SP9: variants seen among roughly 807,000 people sequenced by gnomAD.
SP9 encodes transcription factor Sp9.
Under a neutral mutation model 23.0 loss-of-function variants are expected in SP9, and 5 were observed. The observed-to-expected ratio is 0.22, with a 90% CI of 0.11 to 0.46. The LOEUF is 0.46. Among genes scored for constraint, SP9 ranks in the 20% least tolerant of loss-of-function variants. SP9 has a pLI of 0.99. For synonymous variants in SP9, 360 were observed against 356.5 expected, an observed-to-expected ratio of 1.01 and a Z score of -0.11; for missense variants, 542 against 724.0, an observed-to-expected ratio of 0.75 and a Z score of 2.88.
chr2:174,337,576 G>C lies in SP9; in HGVS notation c.*36G>C. The C allele has an allele frequency of 2.6e-6, 3 of 1,140,614 alleles. No homozygotes were observed. Among genetic ancestry groups the C allele is most frequent in the Middle Eastern group, 4.7e-4 (2 of 4,276 alleles). 70.7% of individuals were successfully genotyped at this position (1,140,614 alleles called of 1,614,324 possible). On this transcript the variant is annotated 3_prime_UTR_variant, in exon 2 of 2. Transcript: ENST00000394967. The stretch of plus-strand genomic sequence containing the variant: ...AGAGGCGCGAGCACACAAGCGAGTA[G>C]AGACACCGAGAACGAACGAGAGGTT...
Position 174,336,774 on chromosome 2 carries a change from C to G in SP9, c.689C>G (p.Ser230Cys). The change falls in exon 2 of 2, where the codon TCC (serine) becomes TGC (cysteine). Residue 230 changes from serine to cysteine, a missense_variant. Ser to Cys is a moderately radical substitution (Grantham distance 112). Coordinates refer to ENST00000394967, the MANE Select transcript of SP9 (RefSeq NM_001145250.2). ...CCCGACTTCAGCTCGCTCACGCACT[C>G]CGCCTTCAGCTCCACGGGCCTCGGC... is the stretch of plus-strand genomic sequence containing the variant. ...YNPDFSSLTH[S>C]AFSSTGLGSS... is the part of the protein sequence containing the mutation. 2.0e-6 allele frequency: 3 copies of G among 1,532,614 alleles called. No individual in the cohort carries two copies. The highest frequency in any genetic ancestry group is 2.6e-6 in the Non-Finnish European group (3 of 1,145,304). The allele number at this position is 1,532,614 out of a possible 1,614,324, so 94.9% of individuals were successfully genotyped here. A position where few individuals can be genotyped will look rare whatever the true frequency, so the allele number is the denominator to read the frequency against.
chr2:174,337,091 A>T lies in SP9; in HGVS notation c.1006A>T (p.Ile336Phe). ...LRRKGLHSCH[I>F]PGCGKVYGKT... ...GCGCAAGGGCCTGCACAGCTGCCAC[A>T]TTCCGGGCTGCGGCAAGGTGTACGG... The change falls in exon 2 of 2, where the codon ATT (isoleucine) becomes TTT (phenylalanine). Residue 336 changes from isoleucine (I) to phenylalanine (F), a missense_variant. By Grantham distance (21) the Ile-to-Phe change is conservative. Transcript: ENST00000394967. 1 of 1,594,068 alleles carries T rather than the reference A, an allele frequency of 6.3e-7. No individual in the cohort carries two copies. Among genetic ancestry groups the T allele is most frequent in the Non-Finnish European group, 8.5e-7 (1 of 1,172,876 alleles).
intron 1 of SP9, 120 bp from the exon 2 acceptor site, chr2:174,335,987 G>T (rs1364342785): frequency 1.1e-6 from 1 of 948,518 alleles, no homozygotes. Flanking sequence ...GAGGCGGGGA[G>T]CCAGGACCCC....
Position 174,337,281 on chromosome 2 carries a change from A to G in SP9, c.1196A>G (p.Lys399Arg). ...EKRFACPVCN[K>R]RFMRSDHLSK... ...CGCTTCGCCTGTCCGGTGTGCAACA[A>G]GCGCTTCATGCGCAGCGACCACCTG... The change falls in exon 2 of 2, where the codon AAG becomes AGG. Residue 399 changes from lysine (K) to arginine (R), a missense_variant. Around this residue, in one of 8 missense-constraint regions of SP9, gnomAD observed 31 missense variants for 16.7 expected, o/e 1.85. Transcript: ENST00000394967. 1 of 1,559,556 alleles carries G rather than the reference A, an allele frequency of 6.4e-7. No individual in the cohort carries two copies. Among genetic ancestry groups the G allele is most frequent in the Non-Finnish European group, 8.7e-7 (1 of 1,151,870 alleles).
chr2:174,337,056 C>A lies in SP9; in HGVS notation c.971C>A (p.Ala324Glu). The change falls in exon 2 of 2, where the codon GCG becomes GAG. Residue 324 changes from alanine (A) to glutamate (E), a missense_variant. Physicochemically the swap from Ala to Glu is moderately radical, Grantham distance 107 (BLOSUM62 -1). Coordinates refer to ENST00000394967, the MANE Select transcript of SP9 (RefSeq NM_001145250.2). Reference sequence around the variant, plus strand: ...GCGGAGCGGCTGGGCCCGGCCGGGGCGAGCCTGCGGCGCAAGGGCCTGCAC... The same window carrying A: ...GCGGAGCGGCTGGGCCCGGCCGGGGAGAGCCTGCGGCGCAAGGGCCTGCAC... The part of the protein sequence containing the change: ...QEAERLGPAG[A>E]SLRRKGLHSC... 3.2e-6 allele frequency: 5 copies of A among 1,541,676 alleles called. No individual in the cohort carries two copies. Among genetic ancestry groups the A allele is most frequent in the Non-Finnish European group, 4.3e-6 (5 of 1,150,088 alleles).
Position 174,336,403 on chromosome 2 carries a change from C to T in SP9, c.318C>T (p.Gly106=). 19 of 1,485,212 alleles carry T rather than the reference C, an allele frequency of 1.3e-5. No individual in the cohort carries two copies. The highest frequency in any genetic ancestry group is 1.7e-5 in the Non-Finnish European group (19 of 1,125,974). 92.0% of individuals were successfully genotyped at this position (1,485,212 alleles called of 1,614,324 possible). A position where few individuals can be genotyped will look rare whatever the true frequency, so the allele number is the denominator to read the frequency against. The change falls in exon 2 of 2, where the codon GGC becomes GGT. Residue 106 remains glycine, a synonymous_variant. Transcript: ENST00000394967. The part of the protein sequence containing the change: ...PTSSAFSSDY[G]GLFSNSAAAA... Reference sequence around the variant, plus strand: ...CGTCCGCCTTCAGCAGCGACTACGGCGGCCTCTTCTCCAACTCGGCGGCTG... The same window carrying T: ...CGTCCGCCTTCAGCAGCGACTACGGTGGCCTCTTCTCCAACTCGGCGGCTG...
rs752930507 is a variant in SP9 at position 174,337,405 on chromosome 2, C to T, written c.1320C>T (p.Ser440=). Residue 440 remains serine (S), a synonymous_variant, in exon 2 of 2, where the codon TCC becomes TCT. Coordinates refer to ENST00000394967, the MANE Select transcript of SP9 (RefSeq NM_001145250.2). ...ACCTGGAGACGCCCCGTTCCGAATC[C>T]CCCGACCTCATCCTGCATGACTCCG... ...ASNLETPRSE[S]PDLILHDSGV... 22 of 1,547,696 alleles carry T rather than the reference C, an allele frequency of 1.4e-5. No homozygotes were observed. The African/African-American group carries it at 2.5e-4, about 17-fold the overall frequency.
chr2:174,337,430 G>A lies in SP9; in HGVS notation c.1345G>A (p.Gly449Ser), dbSNP rs1483156920. The change falls in exon 2 of 2, where the codon GGC becomes AGC. Residue 449 changes from glycine to serine, a missense_variant. By Grantham distance (56) the Gly-to-Ser change is moderately conservative (BLOSUM62 0). This residue lies in a region of SP9 where 55 missense variants were observed against 56.1 expected (regional missense o/e 0.98). Transcript: ENST00000394967. ...ESPDLILHDS[G>S]VSAARAAAAA... ...CCCCGACCTCATCCTGCATGACTCCGGCGTCAGTGCCGCCCGGGCGGCGGC... is the reference window on the plus strand; with the variant it reads ...CCCCGACCTCATCCTGCATGACTCCAGCGTCAGTGCCGCCCGGGCGGCGGC... The A allele has an allele frequency of 7.5e-6, 11 of 1,460,168 alleles. No individual in the cohort carries two copies. Among genetic ancestry groups the A allele is most frequent in the Non-Finnish European group, 9.1e-6 (10 of 1,098,490 alleles). The allele number at this position is 1,460,168 out of a possible 1,614,324, so 90.5% of individuals were successfully genotyped here. A position where few individuals can be genotyped will look rare whatever the true frequency, so the allele number is the denominator to read the frequency against.
In SP9 at chr2:174,337,482, C is replaced by A; in HGVS notation, c.1397C>A (p.Ala466Glu). ...GCGGCGGCGGCGGCAGCGGCGGCGGCGGCGGCGGCGGCCTCCGCGGGAGGC... is the reference window on the plus strand; with the variant it reads ...GCGGCGGCGGCGGCAGCGGCGGCGGAGGCGGCGGCGGCCTCCGCGGGAGGC... ...AAAAAAAAAAAAAAASAGGKE... is the reference protein window; with the variant it reads ...AAAAAAAAAAEAAAASAGGKE... The change falls in exon 2 of 2, where the codon GCG becomes GAG. Residue 466 changes from alanine to glutamate, a missense_variant. Ala to Glu is a moderately radical substitution (Grantham distance 107). This residue lies in a region of SP9 where 55 missense variants were observed against 56.1 expected (regional missense o/e 0.98). Coordinates refer to ENST00000394967, the MANE Select transcript of SP9 (RefSeq NM_001145250.2). 8.3e-7 allele frequency: 1 copy of A among 1,199,422 alleles called. No individual in the cohort carries two copies. The allele number at this position is 1,199,422 out of a possible 1,614,324, so 74.3% of individuals were successfully genotyped here.
chr2:174,337,660 C>G lies in SP9; in HGVS notation c.*120C>G, dbSNP rs985217567. 20 of 1,037,668 alleles carry G rather than the reference C, an allele frequency of 1.9e-5. No homozygotes were observed. The highest frequency in any genetic ancestry group is 2.9e-4 in the Middle Eastern group (1 of 3,428). 64.3% of individuals were successfully genotyped at this position (1,037,668 alleles called of 1,614,324 possible). A position where few individuals can be genotyped will look rare whatever the true frequency, so the allele number is the denominator to read the frequency against. On this transcript the variant is annotated 3_prime_UTR_variant, in exon 2 of 2. Coordinates refer to ENST00000394967, the MANE Select transcript of SP9 (RefSeq NM_001145250.2). Reference sequence around the variant, plus strand: ...GGGCTTCAGTGACGCCCCCAGGGCCCGGGCTGGGCGCGAGGTGGAGCCGCT... The same window carrying G: ...GGGCTTCAGTGACGCCCCCAGGGCCGGGGCTGGGCGCGAGGTGGAGCCGCT...
In SP9 at chr2:174,337,682, C is replaced by G. The variant is rs1258385820; in HGVS notation, c.*142C>G. ...GCCCGGGCTGGGCGCGAGGTGGAGC[C>G]GCTCAGGGCTCCCGGGCTGCGGTTC... is the stretch of plus-strand genomic sequence containing the variant. On this transcript the variant is annotated 3_prime_UTR_variant, in exon 2 of 2. Coordinates refer to ENST00000394967, the MANE Select transcript of SP9 (RefSeq NM_001145250.2). 3 of 994,414 alleles carry G rather than the reference C, an allele frequency of 3.0e-6. No individual in the cohort carries two copies. The highest frequency in any genetic ancestry group is 5.5e-5 in the Admixed American group (1 of 18,050). The allele number at this position is 994,414 out of a possible 1,614,324, so 61.6% of individuals were successfully genotyped here. A position where few individuals can be genotyped will look rare whatever the true frequency, so the allele number is the denominator to read the frequency against.
In SP9 at chr2:174,335,043, C is replaced by G; in HGVS notation, c.-50C>G. The G allele has an allele frequency of 6.5e-7, 1 of 1,545,326 alleles. No homozygotes were observed. Among genetic ancestry groups the G allele is most frequent in the Non-Finnish European group, 8.8e-7 (1 of 1,142,144 alleles). ...GACCCAAGCAGTTTTTCCGAGCAGC[C>G]GCCAGGCTCAGCCCCGCTCCCAGCC... On this transcript the variant is annotated 5_prime_UTR_variant, in exon 1 of 2. Coordinates refer to ENST00000394967, the MANE Select transcript of SP9 (RefSeq NM_001145250.2).
At chr2:174,335,952 C>A in intron 1 of SP9, 155 bp from the exon 2 acceptor site, 1 of 692,876 alleles carries the variant, frequency 1.4e-6, no homozygotes, top group Non-Finnish European at 2.4e-6. Flanking sequence ...GGCGACTCCT[C>A]CGCGGGCGCG....
rs1684419242 is a variant in SP9, at chr2:174,336,677, G to C, written c.592G>C (p.Gly198Arg). Reference protein sequence around the residue: ...GSWLEVQNPAGGLQSSLHSGA... With the variant: ...GSWLEVQNPARGLQSSLHSGA... ...GTGGCTGGAAGTGCAGAACCCCGCTGGGGGGCTCCAGAGCTCGCTGCACTC... is the reference window on the plus strand; with the variant it reads ...GTGGCTGGAAGTGCAGAACCCCGCTCGGGGGCTCCAGAGCTCGCTGCACTC... The change falls in exon 2 of 2, where the codon GGG becomes CGG. Residue 198 changes from glycine to arginine, a missense_variant. By Grantham distance (125) the Gly-to-Arg change is moderately radical. Transcript: ENST00000394967. 6.6e-7 allele frequency: 1 copy of C among 1,517,744 alleles called. No homozygotes were observed. The highest frequency in any genetic ancestry group is 1.2e-5 in the South Asian group (1 of 81,630). 94.0% of individuals were successfully genotyped at this position (1,517,744 alleles called of 1,614,324 possible). A position where few individuals can be genotyped will look rare whatever the true frequency, so the allele number is the denominator to read the frequency against.
chr2:174,337,342 G>A lies in SP9; in HGVS notation c.1257G>A (p.Gly419=). 6.4e-7 allele frequency: 1 copy of A among 1,550,390 alleles called. No individual in the cohort carries two copies. Among genetic ancestry groups the A allele is most frequent in the African/African-American group, 1.4e-5 (1 of 73,060 alleles). Residue 419 remains glycine (G), a synonymous_variant, in exon 2 of 2, where the codon GGG becomes GGA. Coordinates refer to ENST00000394967, the MANE Select transcript of SP9 (RefSeq NM_001145250.2). ...TTAAGACGCACAACGGGGGCGGCGG[G>A]GGCAAAAAGGGCAGCGACAGTGACA... ...KHIKTHNGGG[G]GKKGSDSDTD...
At position 174,336,162 on chromosome 2, in the gene SP9, A is replaced by T; in HGVS notation, c.77A>T (p.Lys26Met). Reference protein sequence around the residue: ...PLAMLAATCNKIGNTSPLTTL... With the variant: ...PLAMLAATCNMIGNTSPLTTL... ...GCCATGCTGGCGGCGACCTGCAACA[A>T]GATCGGCAACACGAGCCCGCTGACG... Residue 26 changes from lysine (K) to methionine (M), a missense_variant, in exon 2 of 2, where the codon AAG becomes ATG. Lys to Met is a moderately conservative substitution (Grantham distance 95). Transcript: ENST00000394967. The T allele has an allele frequency of 1.3e-6, 2 of 1,551,078 alleles. No individual in the cohort carries two copies. Among genetic ancestry groups the T allele is most frequent in the Non-Finnish European group, 1.7e-6 (2 of 1,146,674 alleles).
Position 174,336,507 on chromosome 2 carries a change from C to T in SP9, c.422C>T (p.Ala141Val). The change falls in exon 2 of 2, where the codon GCA becomes GTA. Residue 141 changes from alanine to valine, a missense_variant. Physicochemically the swap from Ala to Val is moderately conservative, Grantham distance 64 (BLOSUM62 0). Around this residue, in one of 8 missense-constraint regions of SP9, gnomAD observed 201 missense variants for 226.3 expected, o/e 0.89. Transcript: ENST00000394967. ...TTCATTTCCAAGGTGCACACGACGGCAGCCGACGGGCTGTACCCGCGCGTG... is the reference window on the plus strand; with the variant it reads ...TTCATTTCCAAGGTGCACACGACGGTAGCCGACGGGCTGTACCCGCGCGTG... ...SAFISKVHTTAADGLYPRVGM... is the reference protein window; with the variant it reads ...SAFISKVHTTVADGLYPRVGM... The T allele has an allele frequency of 6.8e-7, 1 of 1,469,492 alleles. No individual in the cohort carries two copies. The highest frequency in any genetic ancestry group is 9.0e-7 in the Non-Finnish European group (1 of 1,113,918). 91.0% of individuals were successfully genotyped at this position (1,469,492 alleles called of 1,614,324 possible). A position where few individuals can be genotyped will look rare whatever the true frequency, so the allele number is the denominator to read the frequency against.
Position 174,337,665 on chromosome 2 carries a change from T to C in SP9, c.*125T>C. On this transcript the variant is annotated 3_prime_UTR_variant, in exon 2 of 2. Transcript: ENST00000394967. ...TCAGTGACGCCCCCAGGGCCCGGGC[T>C]GGGCGCGAGGTGGAGCCGCTCAGGG... 1 of 1,037,526 alleles carries C rather than the reference T, an allele frequency of 9.6e-7. No homozygotes were observed. The highest frequency in any genetic ancestry group is 1.2e-6 in the Non-Finnish European group (1 of 861,322). The allele number at this position is 1,037,526 out of a possible 1,614,324, so 64.3% of individuals were successfully genotyped here.
Position 174,337,147 on chromosome 2 carries a change from C to T in SP9, c.1062C>T (p.Arg354=). 2 of 1,607,832 alleles carry T rather than the reference C, an allele frequency of 1.2e-6. No homozygotes were observed. Among genetic ancestry groups the T allele is most frequent in the Non-Finnish European group, 1.7e-6 (2 of 1,177,850 alleles). The change falls in exon 2 of 2, where the codon CGC becomes CGT. Residue 354 remains arginine, a synonymous_variant. Transcript: ENST00000394967. ...CGTCGCACCTGAAGGCGCACCTGCG[C>T]TGGCACACGGGCGAGCGGCCCTTCG... ...GKTSHLKAHL[R]WHTGERPFVC...
Sources: gnomAD v4.1 joint callset for allele counts on GRCh38, gnomAD v4.1.1 for gene constraint, gnomAD v4.1.1 regional missense constraint, MANE v1.5 for transcripts, NCBI Gene and HGNC (gene_info 2026-07-23, HGNC 2026-07-21) for gene names.